The following XPO6 variants were observed in gnomAD, a reference collection of about 807,000 sequenced individuals.
XPO6 encodes the protein exportin-6.
In XPO6, 3 loss-of-function variants were observed where a neutral mutation model predicts 130.0. The ratio of observed to expected loss-of-function variants is 0.02; its 90% confidence interval spans 0.01 to 0.06. The LOEUF is 0.06. XPO6 is among the 10% of genes least tolerant of loss of function. XPO6 has a pLI of 1.00. For synonymous variants in XPO6, 524 were observed against 548.9 expected (o/e 0.95, Z 0.63); for missense variants, 970 against 1,393.0 (o/e 0.70, Z 4.83).
chr16:28,158,945 A>G (rs1484310124), intron 6 of XPO6, among the ~76,000 whole-genome samples: 1 of 152,164 alleles, frequency 6.6e-6, no homozygotes, highest in Non-Finnish European at 1.5e-5. Flanking sequence ...AACTATAACA[A>G]CAGGCCAGGA....
chr16:28,157,624 A>C (rs901338401), intron 6 of XPO6, among the ~76,000 whole-genome samples: 1 of 152,230 alleles, frequency 6.6e-6, no homozygotes, highest in South Asian at 2.1e-4. Flanking sequence ...TAAACACAAC[A>C]ACCCCAGTAC....
Position 28,193,281 on chromosome 16 carries a change from G to A in XPO6, c.4-12250C>T, listed in dbSNP as rs113076808. On this transcript the variant is annotated intron_variant, in intron 1 of 23. Coordinates refer to ENST00000304658, the MANE Select transcript of XPO6 (RefSeq NM_015171.4). Reference sequence around the variant, plus strand: ...GTTGCCGGGGTGGCAGCTGCTGGGGGATCTCTGAGGGCACTGCATTACGCA... The same window carrying A: ...GTTGCCGGGGTGGCAGCTGCTGGGGAATCTCTGAGGGCACTGCATTACGCA... Among the ~76,000 whole-genome samples the A allele has an allele frequency of 3.5e-3, 537 of 152,222 alleles. 4 individuals carry two copies. The highest frequency in any genetic ancestry group is 0.012 in the African/African-American group (518 of 41,498).
At chr16:28,151,179 T>TTAAA (rs753186543) in intron 8 of XPO6, among the ~76,000 whole-genome samples, 3 of 106,770 alleles carry the variant, frequency 2.8e-5, no homozygotes, top group South Asian at 7.3e-4. Context: ...CACTAGTGGT[T>TTAAA]AAAAAAAAAA....
chr16:28,140,028 T>G (rs927605632), intron 9 of XPO6, among the ~76,000 whole-genome samples: 1 of 151,152 alleles, frequency 6.6e-6, no homozygotes, highest in Admixed American at 6.6e-5. Flanking sequence ...GGTCAGGAGT[T>G]CCAGACCAGC....
At chr16:28,154,026 A>T (rs1484412760) in intron 7 of XPO6, 6 of 985,224 alleles carry the variant, frequency 6.1e-6, no homozygotes, top group Non-Finnish European at 7.2e-6. Context: ...GTCTCTGTGG[A>T]TCATGGGGCC....
intron 2 of XPO6, 143 bp downstream of exon 2, chr16:28,180,798 A>C (rs970581779): frequency 3.5e-6 from 2 of 575,914 alleles, no homozygotes; most frequent in Non-Finnish European, 5.8e-6. Flanking sequence ...CCCAGCCACC[A>C]GCCAACAGAA....
At chr16:28,200,796 T>C (rs1380485496) in intron 1 of XPO6, among the ~76,000 whole-genome samples, 4 of 152,152 alleles carry the variant, frequency 2.6e-5, no homozygotes, top group Non-Finnish European at 5.9e-5. Context: ...CTCAGCGTCC[T>C]TATCTTCCTC....
intron 13 of XPO6, among the ~76,000 whole-genome samples, chr16:28,124,166 T>C (rs1343881181): frequency 6.6e-6 from 1 of 151,726 alleles, no homozygotes; most frequent in Non-Finnish European, 1.5e-5. Context: ...CAAGCGATTC[T>C]CCTGTCTCAG....
At position 28,104,744 on chromosome 16, in the gene XPO6, C is replaced by T. The variant is rs369094322; in HGVS notation, c.2785-37G>A. The T allele has an allele frequency of 3.2e-5, 52 of 1,609,060 alleles. No homozygotes were observed. In the African/African-American group the frequency reaches 5.1e-4, roughly 16 times the overall value. On this transcript the variant is annotated intron_variant, in intron 20 of 23. Coordinates refer to ENST00000304658, the MANE Select transcript of XPO6 (RefSeq NM_015171.4). ...CACAGACGCTCAGACCTGCAGCTTG[C>T]GGAGCTGCTCCGGCCTGGGCCCAGG...
intron 1 of XPO6, 36 bp from the exon 2 acceptor site, chr16:28,181,067 C>A (rs374476772): frequency 2.0e-6 from 3 of 1,503,618 alleles, no homozygotes; most frequent in Non-Finnish European, 2.8e-6. Flanking sequence ...CAATAAGCTG[C>A]ATCTTCAGTT....
chr16:28,147,382 G>C, intron 8 of XPO6, among the ~76,000 whole-genome samples: 1 of 151,918 alleles, frequency 6.6e-6, no homozygotes, highest in Non-Finnish European at 1.5e-5. Context: ...GGGCAACATA[G>C]TGAGACTCGG....
intron 12 of XPO6, among the ~76,000 whole-genome samples, chr16:28,130,641 G>C (rs1358314478): frequency 5.3e-5 from 8 of 152,224 alleles, no homozygotes; most frequent in Admixed American, 5.2e-4. Context: ...TACAAGCCAA[G>C]GATCAGTGCT....
intron 1 of XPO6, among the ~76,000 whole-genome samples, chr16:28,205,920 C>T (rs1451313481): frequency 6.6e-6 from 1 of 151,660 alleles, no homozygotes; most frequent in African/African-American, 2.4e-5. Context: ...CACCTGTAGT[C>T]CCAGCTACTC....
chr16:28,130,445 G>C (rs899385706), intron 12 of XPO6, among the ~76,000 whole-genome samples: 4 of 152,216 alleles, frequency 2.6e-5, no homozygotes, highest in Non-Finnish European at 5.9e-5. Flanking sequence ...GTTATTTGAG[G>C]GGGTAAATGG....
chr16:28,170,468 G>A (rs2043432146), intron 4 of XPO6, among the ~76,000 whole-genome samples: 1 of 151,918 alleles, frequency 6.6e-6, no homozygotes, highest in Non-Finnish European at 1.5e-5. Context: ...GAAAACAATG[G>A]TCTTTTATAC....
intron 20 of XPO6, 128 bp from the exon 21 acceptor site, chr16:28,104,835 C>T: frequency 4.0e-6 from 4 of 1,009,188 alleles, no homozygotes; most frequent in Non-Finnish European, 5.8e-6. Flanking sequence ...ATCCACATGC[C>T]TGTCACTACC....
chr16:28,170,070 C>T (rs981809346), intron 4 of XPO6, among the ~76,000 whole-genome samples, 161 bp from the exon 5 acceptor site: 3 of 152,100 alleles, frequency 2.0e-5, no homozygotes, highest in African/African-American at 4.8e-5. Context: ...CAATGGCTCA[C>T]GCCTGTAATC....
Position 28,112,018 on chromosome 16 carries a change from C to G in XPO6, c.2152-12G>C, listed in dbSNP as rs1302050920. On this transcript the variant is annotated splice_polypyrimidine_tract_variant and intron_variant, in intron 16 of 23. Transcript: ENST00000304658. ...ACCAACACCTGGGCCTACAAGAGAC[C>G]CCAAAGGCATCCATCAGAGGTCAGA... 1 of 1,605,500 alleles carries G rather than the reference C, an allele frequency of 6.2e-7. No homozygotes were observed. Among genetic ancestry groups the G allele is most frequent in the Admixed American group, 1.7e-5 (1 of 58,724 alleles).
intron 1 of XPO6, among the ~76,000 whole-genome samples, chr16:28,182,055 C>G (rs1316363559): frequency 6.6e-6 from 1 of 152,222 alleles, no homozygotes; most frequent in Non-Finnish European, 1.5e-5. Flanking sequence ...TGAGTCATCA[C>G]TGGTATAATT....
Sources: allele counts gnomAD v4.1 joint callset (sites outside exome capture counted in the v4.1 genomes callset), GRCh38; gene constraint gnomAD v4.1.1; transcripts MANE v1.5; gene names NCBI Gene and HGNC (gene_info 2026-07-23, HGNC 2026-07-21).